The following IGSF8 variants were observed in gnomAD, a reference collection of about 807,000 sequenced individuals.
The protein encoded by IGSF8 is CD81 partner 3.
A neutral mutation model predicts 55.5 loss-of-function variants in IGSF8; 46 were observed. That is an observed-to-expected ratio of 0.83 (90% CI 0.65 to 1.06). The LOEUF (loss-of-function observed/expected upper bound fraction) is 1.06, where lower values mean the gene tolerates loss of function less well. Ranked by LOEUF, IGSF8 falls within the 50% of genes least tolerant of loss-of-function variation. The pLI is 0.00. For missense variants in IGSF8, 731 were observed against 832.3 expected, an observed-to-expected ratio of 0.88 and a Z score of 1.50; for synonymous variants, 314 against 356.1, an observed-to-expected ratio of 0.88 and a Z score of 1.33.
At chr1:160,098,286 C>T (rs2101969102) in intron 1 of IGSF8, 123 bp downstream of exon 1, 2 of 1,388,026 alleles carry the variant, frequency 1.4e-6, no homozygotes, top group East Asian at 2.6e-5. Context: ...GGACGCCGAC[C>T]CCGGGGAGGC....
chr1:160,095,000 C>T lies in IGSF8; in HGVS notation c.311G>A (p.Arg104His), dbSNP rs141097521. The T allele has an allele frequency of 4.5e-5, 72 of 1,614,000 alleles. No individual in the cohort carries two copies. The African/African-American group carries it at 6.8e-4, about 15-fold the overall frequency. Residue 104 changes from arginine to histidine, a missense_variant, in exon 2 of 7, where the codon CGC (arginine) becomes CAC (histidine). Coordinates refer to ENST00000314485, the MANE Select transcript of IGSF8 (RefSeq NM_052868.6). This position sits in a 1 kb window ranked among gnomAD's most constrained non-coding sequence, Gnocchi z 4.0. Reference protein sequence around the residue: ...RVVAGEVQVQRLQGDAVVLKI... With the variant: ...RVVAGEVQVQHLQGDAVVLKI... Reference sequence around the variant, plus strand: ...GAGCACCACGGCATCACCTTGTAGGCGCTGCACCTGCACCTCACCCGCCAC... The same window carrying T: ...GAGCACCACGGCATCACCTTGTAGGTGCTGCACCTGCACCTCACCCGCCAC...
rs75679066 is a variant in IGSF8, at chr1:160,095,104, G to A, written c.207C>T (p.Pro69=). ...QQNFEWFLYR[P]EAPDTALGIV... The stretch of plus-strand genomic sequence containing the variant: ...TGCCCAGTGCAGTATCTGGGGCCTC[G>A]GGCCTATACAGGAACCACTCGAAGT... The change falls in exon 2 of 7, where the codon CCC becomes CCT. Residue 69 remains proline (P), a synonymous_variant. Coordinates refer to ENST00000314485, the MANE Select transcript of IGSF8 (RefSeq NM_052868.6). 34 of 1,614,090 alleles carry A rather than the reference G, an allele frequency of 2.1e-5. No homozygotes were observed. Among genetic ancestry groups the A allele is most frequent in the South Asian group, 1.5e-4 (14 of 91,082 alleles).
chr1:160,096,196 C>A (rs964103774), intron 1 of IGSF8, among the ~76,000 whole-genome samples: 23 of 152,106 alleles, frequency 1.5e-4, no homozygotes, highest in African/African-American at 5.6e-4. Context: ...GGGCTTAGCT[C>A]CTCCCTTCTT....
rs1277318674 is a variant in IGSF8 at position 160,093,093 on chromosome 1, C to T, written c.1143G>A (p.Met381Ile). The change falls in exon 4 of 7, where the codon ATG becomes ATA. Residue 381 changes from methionine to isoleucine, a missense_variant. Physicochemically the swap from Met to Ile is conservative, Grantham distance 10 (BLOSUM62 1). Coordinates refer to ENST00000314485, the MANE Select transcript of IGSF8 (RefSeq NM_052868.6). ...GGTATGTTCTGGATGCCACCTTCTCCATGGCAATGTGTCGGCCCTCATAGC... is the reference window on the plus strand; with the variant it reads ...GGTATGTTCTGGATGCCACCTTCTCTATGGCAATGTGTCGGCCCTCATAGC... ...GPGYEGRHIAMEKVASRTYRL... is the reference protein window; with the variant it reads ...GPGYEGRHIAIEKVASRTYRL... 5 of 1,614,070 alleles carry T rather than the reference C, an allele frequency of 3.1e-6. No homozygotes were observed. The Admixed American group carries it at 8.3e-5, about 27-fold the overall frequency.
chr1:160,095,292 C>A, intron 1 of IGSF8, 46 bp from the exon 2 acceptor site: 2 of 1,547,604 alleles, frequency 1.3e-6, no homozygotes, highest in South Asian at 2.4e-5. Context: ...GTTCCTCATT[C>A]CATGCCCTCT....
At position 160,092,452 on chromosome 1, in the gene IGSF8, A is replaced by G. The variant is rs199812845; in HGVS notation, c.1556T>C (p.Val519Ala). Reference sequence around the variant, plus strand: ...ATGGCTTCGGGGCCCCACCAGCTCTACGCTGACAGGGCCTCCTCCAGGCCG... The same window carrying G: ...ATGGCTTCGGGGCCCCACCAGCTCTGCGCTGACAGGGCCTCCTCCAGGCCG... ...GVRPGGGPVS[V>A]ELVGPRSHRL... Residue 519 changes from valine to alanine, a missense_variant, in exon 5 of 7, where the codon GTA (valine) becomes GCA (alanine). Coordinates refer to ENST00000314485, the MANE Select transcript of IGSF8 (RefSeq NM_052868.6). The G allele has an allele frequency of 7.7e-5, 124 of 1,612,840 alleles. No individual in the cohort carries two copies. Among genetic ancestry groups the G allele is most frequent in the African/African-American group, 1.1e-4 (8 of 74,924 alleles).
rs377477268 is a variant in IGSF8 at position 160,092,622 on chromosome 1, G to A, written c.1386C>T (p.Cys462=). 9.5e-5 allele frequency: 153 copies of A among 1,605,240 alleles called. 1 individual carries two copies. The highest frequency in any genetic ancestry group is 5.6e-4 in the South Asian group (51 of 91,090). The change falls in exon 5 of 7, where the codon TGC becomes TGT. Residue 462 remains cysteine (C), a synonymous_variant. Coordinates refer to ENST00000314485, the MANE Select transcript of IGSF8 (RefSeq NM_052868.6). The part of the protein sequence containing the change: ...VYRGETASLL[C]NISVRGGPPG... Reference sequence around the variant, plus strand: ...GGGGGCCACCCCGCACAGAGATGTTGCACAGCAGGGAGGCAGTCTCCCCGC... The same window carrying A: ...GGGGGCCACCCCGCACAGAGATGTTACACAGCAGGGAGGCAGTCTCCCCGC...
intron 1 of IGSF8, chr1:160,095,458 T>A (rs1054590910): frequency 8.4e-6 from 5 of 598,060 alleles, no homozygotes; most frequent in African/African-American, 7.4e-5. Context: ...CAGGATTGCC[T>A]TGGCATCCAG....
rs1412746695 is a variant in IGSF8, at chr1:160,093,963, C to A, written c.651G>T (p.Gln217His). ...AGTCTGACCGGATTCCCACCACTTCCTGCAGAGTTGACCGCCCAACTGGTG... is the reference window on the plus strand; with the variant it reads ...AGTCTGACCGGATTCCCACCACTTCATGCAGAGTTGACCGCCCAACTGGTG... ...PEAPVGRSTL[Q>H]EVVGIRSDLA... The change falls in exon 3 of 7, where the codon CAG (glutamine) becomes CAT (histidine). Residue 217 changes from glutamine to histidine, a missense_variant. Coordinates refer to ENST00000314485, the MANE Select transcript of IGSF8 (RefSeq NM_052868.6). 2 of 1,614,272 alleles carry A rather than the reference C, an allele frequency of 1.2e-6. No homozygotes were observed. Among genetic ancestry groups the A allele is most frequent in the Non-Finnish European group, 1.7e-6 (2 of 1,180,048 alleles).
In IGSF8 at chr1:160,098,460, T is replaced by C. The variant is rs1288809003; in HGVS notation, c.13A>G (p.Arg5Gly). 1.3e-6 allele frequency: 2 copies of C among 1,538,944 alleles called. No individual in the cohort carries two copies. The highest frequency in any genetic ancestry group is 1.2e-5 in the South Asian group (1 of 83,302). MGAL[R>G]PTLLPPSLPL... ...AGCGAAGGCGGCAGCAGCGTGGGCCTGAGGGCGCCCATCCTGCGCGGCCAG... is the reference window on the plus strand; with the variant it reads ...AGCGAAGGCGGCAGCAGCGTGGGCCCGAGGGCGCCCATCCTGCGCGGCCAG... Residue 5 changes from arginine (R) to glycine (G), a missense_variant, in exon 1 of 7, where the codon AGG becomes GGG. Arg to Gly is a moderately radical substitution (Grantham distance 125). Transcript: ENST00000314485.
chr1:160,093,001 A>C lies in IGSF8; in HGVS notation c.1235T>G (p.Val412Gly). The change falls in exon 4 of 7, where the codon GTT (valine) becomes GGT (glycine). Residue 412 changes from valine to glycine, a missense_variant. Physicochemically the swap from Val to Gly is moderately radical, Grantham distance 109. Transcript: ENST00000314485. ...GTYRCLAKAY[V>G]RGSGTRLREA... ...ACGAAGCCGGGTCCCAGACCCTCGAACATAGGCTTTGGCGAGGCAGCGGTA... is the reference window on the plus strand; with the variant it reads ...ACGAAGCCGGGTCCCAGACCCTCGACCATAGGCTTTGGCGAGGCAGCGGTA... 1 of 1,614,082 alleles carries C rather than the reference A, an allele frequency of 6.2e-7. No individual in the cohort carries two copies. Among genetic ancestry groups the C allele is most frequent in the South Asian group, 1.1e-5 (1 of 91,088 alleles).
Position 160,091,828 on chromosome 1 carries a change from G to T in IGSF8, c.1837C>A (p.Arg613=). Residue 613 remains arginine (R), a synonymous_variant, in exon 6 of 7, where the codon CGG becomes AGG. Coordinates refer to ENST00000314485, the MANE Select transcript of IGSF8 (RefSeq NM_052868.6). ...CTCACCTGGGGAGTAAGGGATCACCGTTTTCGAAGCCTCTTCATGAAGCAG... is the reference window on the plus strand; with the variant it reads ...CTCACCTGGGGAGTAAGGGATCACCTTTTTCGAAGCCTCTTCATGAAGCAG... The part of the protein sequence containing the change: ...TCCFMKRLRK[R] 1 of 1,611,946 alleles carries T rather than the reference G, an allele frequency of 6.2e-7. No homozygotes were observed. Among genetic ancestry groups the T allele is most frequent in the Non-Finnish European group, 8.5e-7 (1 of 1,178,048 alleles).
In IGSF8 at chr1:160,094,262, T is replaced by G; in HGVS notation, c.443-91A>C. ...ATAGCCTATCTCCCTAAATAAACTG[T>G]GAGCTCCCAGAGGGCAAAGATCGCA... is the stretch of plus-strand genomic sequence containing the variant. On this transcript the variant is annotated intron_variant, in intron 2 of 6. Transcript: ENST00000314485. This position sits in a 1 kb window ranked among gnomAD's most constrained non-coding sequence, Gnocchi z 4.0. The G allele has an allele frequency of 1.2e-6, 1 of 814,124 alleles. No individual in the cohort carries two copies. The highest frequency in any genetic ancestry group is 2.8e-5 in the Admixed American group (1 of 36,026). 50.4% of individuals were successfully genotyped at this position (814,124 alleles called of 1,614,324 possible).
rs201676376 is a variant in IGSF8 at position 160,095,212 on chromosome 1, G to A, written c.99C>T (p.Pro33=). The change falls in exon 2 of 7, where the codon CCC becomes CCT. Residue 33 remains proline, a synonymous_variant. Transcript: ENST00000314485. ...CAGCCACGCGGTACAAGGGCCCCTCGGGGACCAGCACCTCCCGGGCCCAGC... is the reference window on the plus strand; with the variant it reads ...CAGCCACGCGGTACAAGGGCCCCTCAGGGACCAGCACCTCCCGGGCCCAGC... ...MGCWAREVLV[P]EGPLYRVAGT... is the part of the protein sequence containing the mutation. 2.1e-5 allele frequency: 34 copies of A among 1,606,480 alleles called. No homozygotes were observed. The highest frequency in any genetic ancestry group is 2.7e-5 in the African/African-American group (2 of 75,032).
rs780833050 is a variant in IGSF8, at chr1:160,093,900, C to T, written c.714G>A (p.Leu238=). 6.2e-7 allele frequency: 1 copy of T among 1,614,246 alleles called. No homozygotes were observed. Among genetic ancestry groups the T allele is most frequent in the Non-Finnish European group, 8.5e-7 (1 of 1,180,040 alleles). The change falls in exon 3 of 7, where the codon TTG becomes TTA. Residue 238 remains leucine, a synonymous_variant. Coordinates refer to ENST00000314485, the MANE Select transcript of IGSF8 (RefSeq NM_052868.6). ...VEAGAPYAER[L]AAGELRLGKE... is the part of the protein sequence containing the mutation. ...TGCCCAGACGAAGCTCCCCTGCAGCCAATCGCTCAGCATAGGGAGCTCCAG... is the reference window on the plus strand; with the variant it reads ...TGCCCAGACGAAGCTCCCCTGCAGCTAATCGCTCAGCATAGGGAGCTCCAG...
Position 160,094,979 on chromosome 1 carries a change from ACCACGGCATCACCTTG to A in IGSF8, c.316_331del (p.Gln106CysfsTer36). 6.2e-7 allele frequency: 1 copy of A among 1,614,112 alleles called. No individual in the cohort carries two copies. Among genetic ancestry groups the A allele is most frequent in the Non-Finnish European group, 8.5e-7 (1 of 1,180,038 alleles). On this transcript the variant is annotated frameshift_variant, in exon 2 of 7. Coordinates refer to ENST00000314485, the MANE Select transcript of IGSF8 (RefSeq NM_052868.6). LOFTEE classifies it high-confidence loss of function. The surrounding 1 kb of genome is among the most constrained non-coding windows in gnomAD (Gnocchi z 4.0). The stretch of plus-strand genomic sequence containing the variant: ...GGCCTGCAGGCGGGCAATCTTGAGC[ACCACGGCATCACCTTG>A]TAGGCGCTGCACCTGCACCTCACCC...
In IGSF8 at chr1:160,092,948, G is replaced by A. The variant is rs1227408043; in HGVS notation, c.1288C>T (p.Leu430Phe). ...REAASARSRP[L>F]PVHVREEGVV... The stretch of plus-strand genomic sequence containing the variant: ...CCTTCCTCCCGCACATGTACAGGGA[G>A]AGGCCGGGAACGGGCACTGGCTGCT... The change falls in exon 4 of 7, where the codon CTC (leucine) becomes TTC (phenylalanine). Residue 430 changes from leucine (L) to phenylalanine (F), a missense_variant. Coordinates refer to ENST00000314485, the MANE Select transcript of IGSF8 (RefSeq NM_052868.6). The A allele has an allele frequency of 6.2e-7, 1 of 1,606,042 alleles. No homozygotes were observed. Among genetic ancestry groups the A allele is most frequent in the Non-Finnish European group, 8.5e-7 (1 of 1,173,588 alleles).
At chr1:160,098,280 G>T in intron 1 of IGSF8, 129 bp downstream of exon 1, 2 of 1,355,170 alleles carry the variant, frequency 1.5e-6, no homozygotes, top group Non-Finnish European at 2.0e-6. Flanking sequence ...GCAGCTGGAC[G>T]CCGACCCCGG....
chr1:160,097,403 A>G (rs1650505797), intron 1 of IGSF8, among the ~76,000 whole-genome samples: 2 of 152,156 alleles, frequency 1.3e-5, no homozygotes, highest in African/African-American at 2.4e-5. Context: ...GACCTGCAGC[A>G]GGGGAAGGCT....
Sources: allele counts gnomAD v4.1 joint callset (sites outside exome capture counted in the v4.1 genomes callset), GRCh38; gene constraint gnomAD v4.1.1; non-coding constraint Gnocchi (gnomAD v3.1); transcripts MANE v1.5; gene names NCBI Gene and HGNC (gene_info 2026-07-23, HGNC 2026-07-21).